Variants in GRID2 observed in about 807,000 individuals in gnomAD.
GRID2 encodes glutamate receptor ionotropic, delta-2.
In GRID2, 33 loss-of-function variants were observed where a neutral mutation model predicts 114.8. The ratio of observed to expected loss-of-function variants is 0.29; its 90% CI spans 0.22 to 0.38. The LOEUF (loss-of-function observed/expected upper bound fraction) is 0.38, where lower values mean the gene tolerates loss of function less well. Among genes scored for constraint, GRID2 ranks in the 10% least tolerant of loss-of-function variants. The pLI, the probability that GRID2 is intolerant of heterozygous loss-of-function variation, is 1.00. For synonymous variants in GRID2, 505 were observed against 449.9 expected (o/e 1.12, Z -1.55); for missense variants, 1,184 against 1,257.7 (o/e 0.94, Z 0.89).
At position 92,740,757 on chromosome 4, in the gene GRID2, C is replaced by T. The variant is rs137924604; in HGVS notation, c.244+150471C>T. 7.0e-3 allele frequency among the ~76,000 whole-genome samples: 975 copies of T among 139,048 alleles called. 4 individuals carry two copies. The highest frequency in any genetic ancestry group is 0.02 in the Middle Eastern group (5 of 254). The allele number at this position is 139,048 out of a possible 152,430, so 91.2% of individuals were successfully genotyped here. A position where few individuals can be genotyped will look rare whatever the true frequency, so the allele number is the denominator to read the frequency against. On this transcript the variant is annotated intron_variant, in intron 2 of 15. Coordinates refer to ENST00000282020, the MANE Select transcript of GRID2 (RefSeq NM_001510.4). ...ATAGATAGATGGATAGATAGATAGA[C>T]AGATAGATAGATAGAGTTTCACTCT...
intron 2 of GRID2, among the ~76,000 whole-genome samples, chr4:92,688,030 T>C (rs1366108782): frequency 7.0e-6 from 1 of 142,576 alleles, no homozygotes; most frequent in African/African-American, 2.6e-5. Context: ...GGTTGACCCT[T>C]CTTCTTCTTT....
At chr4:93,210,658 T>G (rs1000207473) in intron 5 of GRID2, among the ~76,000 whole-genome samples, 1 of 152,048 alleles carries the variant, frequency 6.6e-6, no homozygotes, top group Non-Finnish European at 1.5e-5. Flanking sequence ...AATTTGTACT[T>G]TGGGAGAAAT....
intron 8 of GRID2, among the ~76,000 whole-genome samples, chr4:93,386,076 C>G (rs1434343310): frequency 6.6e-6 from 1 of 151,980 alleles, no homozygotes; most frequent in African/African-American, 2.4e-5. Flanking sequence ...TCAAGGACCC[C>G]AAAACACAAA....
chr4:92,921,620 C>A (rs1052062535), intron 2 of GRID2, among the ~76,000 whole-genome samples: 5 of 152,088 alleles, frequency 3.3e-5, no homozygotes, highest in African/African-American at 1.2e-4. Context: ...CACTCCAGAC[C>A]CTGTTTACCT....
chr4:92,941,846 C>T (rs924440573), intron 2 of GRID2, among the ~76,000 whole-genome samples: 3 of 152,158 alleles, frequency 2.0e-5, no homozygotes, highest in African/African-American at 7.2e-5. Context: ...CATTCAGGAG[C>T]AGGTTGCTCA....
At chr4:93,044,963 G>A (rs1237247651) in intron 2 of GRID2, among the ~76,000 whole-genome samples, 1 of 152,102 alleles carries the variant, frequency 6.6e-6, no homozygotes, top group Non-Finnish European at 1.5e-5. Context: ...AAGATTGAGA[G>A]AAAATAGCTC....
At chr4:92,866,481 A>G (rs1744871639) in intron 2 of GRID2, among the ~76,000 whole-genome samples, 1 of 152,014 alleles carries the variant, frequency 6.6e-6, no homozygotes, top group Non-Finnish European at 1.5e-5. Context: ...GACTGAGTAA[A>G]CAATTTTTAA....
intron 8 of GRID2, among the ~76,000 whole-genome samples, chr4:93,285,718 A>G (rs1477879580): frequency 1.3e-5 from 2 of 152,086 alleles, no homozygotes; most frequent in Non-Finnish European, 2.9e-5. Context: ...AATATTTCAA[A>G]TGCTAAAATA....
At chr4:92,998,943 T>C (rs1755370716) in intron 2 of GRID2, among the ~76,000 whole-genome samples, 1 of 151,924 alleles carries the variant, frequency 6.6e-6, no homozygotes, top group Non-Finnish European at 1.5e-5. Context: ...ACTGCTATGG[T>C]GATCAATAAT....
intron 13 of GRID2, among the ~76,000 whole-genome samples, chr4:93,619,991 G>A (rs797000068): frequency 2.0e-4 from 31 of 152,296 alleles, no homozygotes; most frequent in Middle Eastern, 3.4e-3. Flanking sequence ...AGTGCAAAGA[G>A]CATAGGAAGA....
chr4:92,708,104 G>C (rs181290473), intron 2 of GRID2, among the ~76,000 whole-genome samples: 1 of 152,210 alleles, frequency 6.6e-6, no homozygotes, highest in East Asian at 1.9e-4. Flanking sequence ...GAAGAAAGGT[G>C]CCCATGAAAA....
chr4:92,643,422 A>T lies in GRID2; in HGVS notation c.244+53136A>T, dbSNP rs1249601379. 5.3e-5 allele frequency among the ~76,000 whole-genome samples: 8 copies of T among 151,870 alleles called. 1 individual carries two copies. ...CTATCTCTCTTCTCTATGATTCCAT[A>T]GTTAGAAAACCCCAAAGACTCTGCC... On this transcript the variant is annotated intron_variant, in intron 2 of 15. Coordinates refer to ENST00000282020, the MANE Select transcript of GRID2 (RefSeq NM_001510.4).
At chr4:92,647,399 G>T (rs17842180) in intron 2 of GRID2, among the ~76,000 whole-genome samples, 1 of 149,368 alleles carries the variant, frequency 6.7e-6, no homozygotes, top group African/African-American at 2.5e-5. Flanking sequence ...ACAGTGTGAA[G>T]TTCAGTCTAA....
chr4:93,717,637 A>G (rs1292992065), intron 14 of GRID2, among the ~76,000 whole-genome samples: 2 of 152,134 alleles, frequency 1.3e-5, no homozygotes, highest in African/African-American at 2.4e-5. Context: ...ATTTATAACC[A>G]TACGTTTAAG....
chr4:92,873,523 T>C (rs2149448625), intron 2 of GRID2, among the ~76,000 whole-genome samples: 1 of 152,308 alleles, frequency 6.6e-6, no homozygotes, highest in Middle Eastern at 3.4e-3. Flanking sequence ...CAAATCTTGA[T>C]TTTTATGTCT....
intron 4 of GRID2, among the ~76,000 whole-genome samples, chr4:93,180,214 C>T (rs1205628260): frequency 6.6e-6 from 1 of 151,924 alleles, no homozygotes; most frequent in African/African-American, 2.4e-5. Flanking sequence ...CACACGATGT[C>T]TCCAAACCAG....
chr4:92,556,365 A>G (rs770276031), intron 1 of GRID2, among the ~76,000 whole-genome samples: 22 of 152,280 alleles, frequency 1.4e-4, no homozygotes, highest in Non-Finnish European at 2.9e-4. Context: ...AAATAAATAC[A>G]TTTGCCTTTC....
intron 5 of GRID2, among the ~76,000 whole-genome samples, chr4:93,214,375 T>G (rs1380609455): frequency 6.6e-6 from 1 of 152,114 alleles, no homozygotes; most frequent in Non-Finnish European, 1.5e-5. Context: ...CACTTGTCTT[T>G]CAGTGTTTAT....
chr4:92,550,634 G>A (rs533611192), intron 1 of GRID2, among the ~76,000 whole-genome samples: 3 of 152,246 alleles, frequency 2.0e-5, no homozygotes, highest in Admixed American at 2.0e-4. Context: ...TGGGATCCTT[G>A]TTTTCTCAGC....
Sources: allele counts gnomAD v4.1 joint callset (sites outside exome capture counted in the v4.1 genomes callset), GRCh38; gene constraint gnomAD v4.1.1; transcripts MANE v1.5; gene names NCBI Gene and HGNC (gene_info 2026-07-23, HGNC 2026-07-21).